The following CD46 variants were observed in gnomAD, a reference collection of about 807,000 sequenced individuals.
CD46 encodes membrane cofactor protein.
In CD46, 30 loss-of-function variants were observed where a neutral mutation model predicts 53.3. That is an observed-to-expected ratio of 0.56 (90% confidence interval 0.42 to 0.76). The LOEUF (loss-of-function observed/expected upper bound fraction) is 0.76, where lower values mean the gene tolerates loss of function less well. Among genes scored for constraint, CD46 ranks in the 30% least tolerant of loss-of-function variants. The pLI is 0.00. For missense variants in CD46, 409 were observed against 463.0 expected (o/e 0.88, Z 1.07); for synonymous variants, 142 against 152.0 (o/e 0.93, Z 0.48).
chr1:207,757,382 G>T (rs1420510532), intron 2 of CD46, among the ~76,000 whole-genome samples, 158 bp from the exon 3 acceptor site: 1 of 152,170 alleles, frequency 6.6e-6, no homozygotes, highest in Non-Finnish European at 1.5e-5. Flanking sequence ...CCTGGCAATA[G>T]ATTGCCTGGG....
At chr1:207,789,434 GT>G (rs930414811) in intron 11 of CD46, among the ~76,000 whole-genome samples, 12 of 152,102 alleles carry the variant, frequency 7.9e-5, no homozygotes, top group Admixed American at 3.9e-4. Context: ...TAACTTAAAT[GT>G]TTTTCTAGTT....
chr1:207,765,506 T>G (rs995837142), intron 5 of CD46, among the ~76,000 whole-genome samples: 3 of 152,208 alleles, frequency 2.0e-5, no homozygotes, highest in Admixed American at 1.3e-4. Flanking sequence ...TACCACTCCA[T>G]TCAGCATTAT....
chr1:207,770,175 G>C, intron 7 of CD46, 146 bp from the exon 8 acceptor site: 1 of 675,742 alleles, frequency 1.5e-6, no homozygotes. Flanking sequence ...ATATATGTAG[G>C]TTAAATTCTA....
intron 11 of CD46, chr1:207,785,885 C>A: frequency 1.9e-6 from 1 of 531,198 alleles, no homozygotes; most frequent in South Asian, 2.1e-5. Context: ...ATAAAAACAT[C>A]TGTGCAGAGT....
At position 207,752,143 on chromosome 1, in the gene CD46, T is replaced by C; in HGVS notation, c.-70T>C. 7.1e-7 allele frequency: 1 copy of C among 1,411,534 alleles called. No individual in the cohort carries two copies. Among genetic ancestry groups the C allele is most frequent in the South Asian group, 1.1e-5 (1 of 87,132 alleles). 87.4% of individuals were successfully genotyped at this position (1,411,534 alleles called of 1,614,324 possible). A position where few individuals can be genotyped will look rare whatever the true frequency, so the allele number is the denominator to read the frequency against. On this transcript the variant is annotated 5_prime_UTR_variant, in exon 1 of 13. Coordinates refer to ENST00000367042, the MANE Select transcript of CD46 (RefSeq NM_172351.3). This position sits in a 1 kb window ranked among gnomAD's most constrained non-coding sequence, Gnocchi z 4.1. ...TCCCATATCTGGACCCAGAAGGGAC[T>C]TCCCTGCTCGGCTGGCTCTCGGTTT...
At chr1:207,757,957 T>A (rs1193577863) in intron 3 of CD46, among the ~76,000 whole-genome samples, 1 of 152,190 alleles carries the variant, frequency 6.6e-6, no homozygotes, top group Non-Finnish European at 1.5e-5. Context: ...CTCTTAGAGT[T>A]GAAGTAGGGC....
chr1:207,779,873 G>T (rs1658536522), intron 8 of CD46, among the ~76,000 whole-genome samples: 1 of 101,402 alleles, frequency 9.9e-6, no homozygotes. Flanking sequence ...TTTCTCCTTT[G>T]AACTTTGTCC....
intron 8 of CD46, among the ~76,000 whole-genome samples, chr1:207,781,317 T>G (rs1658712299): frequency 1.3e-5 from 2 of 152,046 alleles, no homozygotes; most frequent in Non-Finnish European, 2.9e-5. Flanking sequence ...AAGAGTTATT[T>G]ATATGTTCTG....
chr1:207,775,188 G>A (rs770439956), intron 8 of CD46, among the ~76,000 whole-genome samples: 1 of 152,122 alleles, frequency 6.6e-6, no homozygotes, highest in Non-Finnish European at 1.5e-5. Context: ...TGAAGCTTGT[G>A]CATGCGTCAC....
At chr1:207,772,437 C>T (rs766886571) in intron 8 of CD46, among the ~76,000 whole-genome samples, 17 of 152,230 alleles carry the variant, frequency 1.1e-4, no homozygotes, top group Middle Eastern at 3.4e-3. Context: ...TCCAACACTA[C>T]GTTGAATAGG....
chr1:207,783,229 A>G (rs1658949636), intron 8 of CD46, 63 bp from the exon 9 acceptor site: 3 of 904,812 alleles, frequency 3.3e-6, no homozygotes, highest in South Asian at 2.9e-5. Context: ...AAGGATTTTA[A>G]GCTTTATATT....
intron 1 of CD46, among the ~76,000 whole-genome samples, chr1:207,755,338 G>A (rs1011546553): frequency 1.3e-5 from 2 of 152,174 alleles, no homozygotes; most frequent in African/African-American, 4.8e-5. Flanking sequence ...ATGAAACCTA[G>A]AGAAAGTAAA....
chr1:207,783,334 G>A lies in CD46; in HGVS notation c.982+4G>A, dbSNP rs1658964160. The stretch of plus-strand genomic sequence containing the variant: ...GAAGGAATACTTGACAGTTTGGGTT[G>A]GTATAGCTATCATGACAAATATAAG... On this transcript the variant is annotated splice_donor_region_variant and intron_variant, in intron 9 of 12. Coordinates refer to ENST00000367042, the MANE Select transcript of CD46 (RefSeq NM_172351.3). 1.3e-6 allele frequency: 2 copies of A among 1,541,570 alleles called. No homozygotes were observed. Among genetic ancestry groups the A allele is most frequent in the South Asian group, 2.2e-5 (2 of 89,358 alleles).
chr1:207,790,504 T>TA (rs1659700379), intron 12 of CD46, among the ~76,000 whole-genome samples, 159 bp downstream of exon 12: 1 of 152,220 alleles, frequency 6.6e-6, no homozygotes, highest in Non-Finnish European at 1.5e-5. Flanking sequence ...GATGTGTTCT[T>TA]ATACCATTCC....
At chr1:207,763,692 TA>T (rs1382364556) in intron 5 of CD46, among the ~76,000 whole-genome samples, 1 of 152,134 alleles carries the variant, frequency 6.6e-6, no homozygotes, top group Non-Finnish European at 1.5e-5. Flanking sequence ...TTTTTCAATG[TA>T]TTTTTTTTCT....
In CD46 at chr1:207,761,426, G is replaced by T. The variant is rs770322216; in HGVS notation, c.653G>T (p.Arg218Leu). ...IYCGDNSVWS[R>L]AAPECKVVKC... ...TGTGGTGACAATTCAGTGTGGAGTC[G>T]TGCTGCTCCAGAGTGTAAAGGTAGT... Residue 218 changes from arginine to leucine, a missense_variant, in exon 5 of 13, where the codon CGT becomes CTT. Physicochemically the swap from Arg to Leu is moderately radical, Grantham distance 102. Transcript: ENST00000367042. The T allele has an allele frequency of 5.0e-6, 8 of 1,613,782 alleles. No individual in the cohort carries two copies. Among genetic ancestry groups the T allele is most frequent in the East Asian group, 2.2e-5 (1 of 44,868 alleles).
chr1:207,779,030 T>C (rs1180351707), intron 8 of CD46, among the ~76,000 whole-genome samples: 5 of 152,188 alleles, frequency 3.3e-5, no homozygotes, highest in Non-Finnish European at 5.9e-5. Flanking sequence ...CTAGGTATTT[T>C]ATTCTTTTTG....
Position 207,793,535 on chromosome 1 carries a change from G to A in CD46, c.*58G>A. ...GGTTTGCAGGAAAGCAGATGGTGGA[G>A]CTGAATATGCCACTTACCAGACTAA... is the stretch of plus-strand genomic sequence containing the variant. On this transcript the variant is annotated 3_prime_UTR_variant, in exon 13 of 13. Transcript: ENST00000367042. 1 of 1,613,720 alleles carries A rather than the reference G, an allele frequency of 6.2e-7. No homozygotes were observed. The highest frequency in any genetic ancestry group is 1.1e-5 in the South Asian group (1 of 91,072).
At chr1:207,779,517 A>G (rs1258283663) in intron 8 of CD46, among the ~76,000 whole-genome samples, 3 of 152,104 alleles carry the variant, frequency 2.0e-5, no homozygotes, top group Non-Finnish European at 4.4e-5. Context: ...GAGGTCATTT[A>G]TATGTTCAGA....
Sources: allele counts gnomAD v4.1 joint callset (sites outside exome capture counted in the v4.1 genomes callset), GRCh38; gene constraint gnomAD v4.1.1; non-coding constraint Gnocchi (gnomAD v3.1); transcripts MANE v1.5; gene names NCBI Gene and HGNC (gene_info 2026-07-23, HGNC 2026-07-21).